The following TOX3 variants were observed in gnomAD, a reference collection of about 807,000 sequenced individuals.
The protein encoded by TOX3 is CAG trinucleotide repeat-containing gene F9 protein.
Under a neutral mutation model 64.3 loss-of-function variants are expected in TOX3, and 22 were observed. The observed-to-expected ratio is 0.34, with a 90% confidence interval of 0.24 to 0.49. TOX3 has a LOEUF of 0.49. Among genes scored for constraint, TOX3 ranks in the 20% least tolerant of loss-of-function variants. The probability of loss-of-function intolerance (pLI) is 0.99; values close to 1 mark genes in which losing one functional copy is unlikely to be tolerated. For missense variants in TOX3, 661 were observed against 714.4 expected (o/e 0.93, Z 0.85); for synonymous variants, 291 against 273.6 (o/e 1.06, Z -0.63).
intron 2 of TOX3, 58 bp from the exon 3 acceptor site, chr16:52,464,246 G>T: frequency 7.3e-7 from 1 of 1,373,208 alleles, no homozygotes; most frequent in Non-Finnish European, 9.5e-7. Context: ...TTATTCCTCC[G>T]GGGAGGGAAA....
At chr16:52,525,653 G>T (rs1390398149) in intron 1 of TOX3, among the ~76,000 whole-genome samples, 2 of 152,154 alleles carry the variant, frequency 1.3e-5, no homozygotes, top group Admixed American at 1.3e-4. Context: ...TTGAGTTCTA[G>T]AGAGTGCACA....
intron 1 of TOX3, among the ~76,000 whole-genome samples, chr16:52,488,340 T>C (rs1961585797): frequency 6.6e-6 from 1 of 152,184 alleles, no homozygotes; most frequent in Admixed American, 6.5e-5. Flanking sequence ...TTCTCTGGAA[T>C]GTCCAGAGCT....
chr16:52,486,817 T>A (rs1961544696), intron 1 of TOX3, among the ~76,000 whole-genome samples: 1 of 152,040 alleles, frequency 6.6e-6, no homozygotes, highest in Admixed American at 6.6e-5. Flanking sequence ...GCGCCTGTAG[T>A]CCCAGCTACT....
intron 1 of TOX3, among the ~76,000 whole-genome samples, chr16:52,484,364 C>A (rs1450283374): frequency 3.9e-5 from 6 of 152,102 alleles, no homozygotes; most frequent in Admixed American, 2.0e-4. Flanking sequence ...TGACAGAATT[C>A]TTTTATTCTT....
chr16:52,469,270 C>T (rs957990102), intron 1 of TOX3, among the ~76,000 whole-genome samples: 1 of 152,184 alleles, frequency 6.6e-6, no homozygotes, highest in African/African-American at 2.4e-5. Flanking sequence ...CCATTCATAT[C>T]ATCACAAATA....
intron 1 of TOX3, among the ~76,000 whole-genome samples, chr16:52,518,989 TAG>T (rs1307661985): frequency 6.6e-6 from 1 of 152,226 alleles, no homozygotes; most frequent in Non-Finnish European, 1.5e-5. Flanking sequence ...AGCCTGGATT[TAG>T]AGGCTGTTAG....
chr16:52,510,494 G>A (rs185696535), intron 1 of TOX3, among the ~76,000 whole-genome samples: 17 of 152,226 alleles, frequency 1.1e-4, no homozygotes, highest in African/African-American at 3.4e-4. Flanking sequence ...GGTGGCTCAC[G>A]CCTGTAATCC....
intron 6 of TOX3, among the ~76,000 whole-genome samples, chr16:52,441,999 C>T (rs1305852452): frequency 2.0e-5 from 3 of 152,168 alleles, no homozygotes; most frequent in Non-Finnish European, 2.9e-5. Context: ...TTCTTATATA[C>T]TCTAGTAGTT....
rs552732994 is a variant in TOX3, at chr16:52,467,610, A to G, written c.153+899T>C. ...ATGAGGACTTTATATTACATGAACCACAAGAGGAAATGTTCCATTTGGGCC... is the reference window on the plus strand; with the variant it reads ...ATGAGGACTTTATATTACATGAACCGCAAGAGGAAATGTTCCATTTGGGCC... On this transcript the variant is annotated intron_variant, in intron 2 of 6. Coordinates refer to ENST00000219746, the MANE Select transcript of TOX3 (RefSeq NM_001080430.4). Among the ~76,000 whole-genome samples the G allele has an allele frequency of 5.3e-5, 8 of 152,318 alleles. No individual in the cohort carries two copies. The East Asian group carries it at 1.5e-3, about 29-fold the overall frequency.
chr16:52,528,616 T>C (rs1484698566), intron 1 of TOX3, among the ~76,000 whole-genome samples: 7 of 152,260 alleles, frequency 4.6e-5, no homozygotes, highest in African/African-American at 1.7e-4. Context: ...TGTGGAGTCA[T>C]TGAAACCTAT....
At chr16:52,522,982 C>T (rs1201049054) in intron 1 of TOX3, among the ~76,000 whole-genome samples, 1 of 152,204 alleles carries the variant, frequency 6.6e-6, no homozygotes, top group East Asian at 1.9e-4. Context: ...AGACAGAAAT[C>T]TCTGCCTTCG....
chr16:52,497,182 C>T (rs891442128), intron 1 of TOX3, among the ~76,000 whole-genome samples: 7 of 152,188 alleles, frequency 4.6e-5, no homozygotes, highest in African/African-American at 1.7e-4. Context: ...CTTCGGGATC[C>T]TCACAAACAC....
At chr16:52,451,772 A>G (rs1567313633) in intron 3 of TOX3, among the ~76,000 whole-genome samples, 1 of 152,240 alleles carries the variant, frequency 6.6e-6, no homozygotes, top group Non-Finnish European at 1.5e-5. Context: ...TAGTTGAATA[A>G]ATTATGGTCT....
chr16:52,465,115 C>A (rs1960821085), intron 2 of TOX3, among the ~76,000 whole-genome samples: 1 of 144,700 alleles, frequency 6.9e-6, no homozygotes, highest in African/African-American at 2.6e-5. Flanking sequence ...CCCGGATTCA[C>A]GCCATTCTCC....
At chr16:52,506,526 C>T (rs1195682131) in intron 1 of TOX3, among the ~76,000 whole-genome samples, 1 of 152,102 alleles carries the variant, frequency 6.6e-6, no homozygotes, top group East Asian at 1.9e-4. Flanking sequence ...CTCCTGGATT[C>T]TTGGCCCTTC....
At chr16:52,469,844 G>C (rs1224926970) in intron 1 of TOX3, among the ~76,000 whole-genome samples, 1 of 152,134 alleles carries the variant, frequency 6.6e-6, no homozygotes. Context: ...CCAGAAGCAG[G>C]ATTGACATGC....
At chr16:52,532,414 C>A (rs1204554960) in intron 1 of TOX3, among the ~76,000 whole-genome samples, 3 of 152,188 alleles carry the variant, frequency 2.0e-5, no homozygotes, top group Non-Finnish European at 4.4e-5. Context: ...CAAGCCCAGG[C>A]TGGCGTGCTG....
intron 1 of TOX3, among the ~76,000 whole-genome samples, chr16:52,473,050 G>A (rs1014324492): frequency 6.6e-6 from 1 of 152,122 alleles, no homozygotes; most frequent in Admixed American, 6.5e-5. Flanking sequence ...AATTAAAAAG[G>A]AGCACCGCAG....
Position 52,455,585 on chromosome 16 carries a change from A to G in TOX3, c.409-5039T>C, listed in dbSNP as rs115846415. 4.4e-3 allele frequency among the ~76,000 whole-genome samples: 665 copies of G among 152,338 alleles called. 5 individuals are homozygous for G. Among genetic ancestry groups the G allele is most frequent in the African/African-American group, 0.015 (634 of 41,572 alleles). ...TCCAACTGTGATAAATATTGGGAAG[A>G]AAATAAATAGGTTATACAAAAGAGA... On this transcript the variant is annotated intron_variant, in intron 3 of 6. Coordinates refer to ENST00000219746, the MANE Select transcript of TOX3 (RefSeq NM_001080430.4).
Sources: allele counts gnomAD v4.1 joint callset (sites outside exome capture counted in the v4.1 genomes callset), GRCh38; gene constraint gnomAD v4.1.1; transcripts MANE v1.5; gene names NCBI Gene and HGNC (gene_info 2026-07-23, HGNC 2026-07-21).